The following GALNT17 variants were observed in gnomAD, a reference collection of about 807,000 sequenced individuals.
The protein encoded by GALNT17 is UDP-GalNAc:polypeptide N-acetylgalactosaminyltransferase-like 3.
In GALNT17, 29 loss-of-function variants were observed where a neutral mutation model predicts 63.7. The observed-to-expected ratio is 0.46, with a 90% CI of 0.34 to 0.62. GALNT17 has a LOEUF of 0.62. Among genes scored for constraint, GALNT17 ranks in the 20% least tolerant of loss-of-function variants. The pLI, the probability that GALNT17 is intolerant of heterozygous loss-of-function variation, is 0.01. For missense variants in GALNT17, 603 were observed against 799.6 expected (o/e 0.75, Z 2.97); for synonymous variants, 305 against 318.3 (o/e 0.96, Z 0.45).
At chr7:71,167,490 G>C (rs1788464287) in intron 1 of GALNT17, among the ~76,000 whole-genome samples, 1 of 151,898 alleles carries the variant, frequency 6.6e-6, no homozygotes, top group African/African-American at 2.4e-5. Flanking sequence ...TATTCTAGGA[G>C]GAAGTACCTT....
At chr7:71,367,138 C>T (rs760666633) in intron 2 of GALNT17, among the ~76,000 whole-genome samples, 11 of 152,340 alleles carry the variant, frequency 7.2e-5, no homozygotes, top group Middle Eastern at 6.8e-3. Flanking sequence ...AAACATTCCT[C>T]TTTGACCCTG....
intron 1 of GALNT17, among the ~76,000 whole-genome samples, chr7:71,213,297 C>T (rs145140343): frequency 0.02 from 3,002 of 152,308 alleles, 31 homozygotes; most frequent in Middle Eastern, 0.037. Flanking sequence ...CTTTTGCCTT[C>T]TGCCATGATT....
chr7:71,580,149 A>G (rs1161167012), intron 6 of GALNT17, among the ~76,000 whole-genome samples: 1 of 152,142 alleles, frequency 6.6e-6, no homozygotes, highest in African/African-American at 2.4e-5. Flanking sequence ...ATAGATGGAT[A>G]GATGATATAG....
At chr7:71,302,650 T>C (rs1361303377) in intron 1 of GALNT17, among the ~76,000 whole-genome samples, 1 of 152,132 alleles carries the variant, frequency 6.6e-6, no homozygotes, top group Non-Finnish European at 1.5e-5. Flanking sequence ...CTAGGCTGAA[T>C]TGATGAAAGC....
At position 71,178,756 on chromosome 7, in the gene GALNT17, T is replaced by C. The variant is rs970239472; in HGVS notation, c.238+45716T>C. Among the ~76,000 whole-genome samples the C allele has an allele frequency of 1.1e-4, 16 of 152,344 alleles. No homozygotes were observed. In the East Asian group the frequency reaches 2.3e-3, roughly 22 times the overall value. On this transcript the variant is annotated intron_variant, in intron 1 of 10. Transcript: ENST00000333538. Reference sequence around the variant, plus strand: ...ATTTGGGGGTTAGATTCCCCATCTGTTCATTCATTGTGTATATATTTTTCA... The same window carrying C: ...ATTTGGGGGTTAGATTCCCCATCTGCTCATTCATTGTGTATATATTTTTCA...
chr7:71,422,969 T>C (rs6969025), intron 5 of GALNT17, among the ~76,000 whole-genome samples: 111,638 of 151,956 alleles, frequency 0.73, 41,365 homozygotes, highest in African/African-American at 0.79. Context: ...AGACTCTCCT[T>C]CAACTACCCC....
intron 6 of GALNT17, among the ~76,000 whole-genome samples, chr7:71,606,988 CCTT>C (rs1294828699): frequency 6.6e-6 from 1 of 152,142 alleles, no homozygotes; most frequent in Non-Finnish European, 1.5e-5. Flanking sequence ...CACAAGATCA[CCTT>C]CTTGGATAGA....
At chr7:71,554,840 C>T (rs948878305) in intron 5 of GALNT17, among the ~76,000 whole-genome samples, 1 of 152,220 alleles carries the variant, frequency 6.6e-6, no homozygotes, top group Non-Finnish European at 1.5e-5. Context: ...GACTTATTCC[C>T]CAGCCCAGGG....
At chr7:71,154,116 C>T (rs1585842959) in intron 1 of GALNT17, among the ~76,000 whole-genome samples, 1 of 152,024 alleles carries the variant, frequency 6.6e-6, no homozygotes, top group Admixed American at 6.6e-5. Flanking sequence ...GGTGAGGGAG[C>T]CTCTGCCTGA....
At chr7:71,279,534 T>C (rs1359918855) in intron 1 of GALNT17, among the ~76,000 whole-genome samples, 3 of 152,042 alleles carry the variant, frequency 2.0e-5, no homozygotes, top group South Asian at 2.1e-4. Flanking sequence ...ACAGCAGCCA[T>C]TGGATTCATC....
At chr7:71,633,138 T>C (rs1584102818) in intron 6 of GALNT17, among the ~76,000 whole-genome samples, 1 of 151,066 alleles carries the variant, frequency 6.6e-6, no homozygotes, top group African/African-American at 2.4e-5. Context: ...AGGTTGATTA[T>C]TGATTATTTA....
In GALNT17 at chr7:71,377,114, A is replaced by AAAAAAAAAT; in HGVS notation, c.423-11120_423-11119insAAAAAAATA. On this transcript the variant is annotated intron_variant, in intron 2 of 10. Coordinates refer to ENST00000333538, the MANE Select transcript of GALNT17 (RefSeq NM_022479.3). ...AAAAAAAAAAAATAAAAATAAAAAA[A>AAAAAAAAAT]ATATATATATATATATATATATATA... 4.5e-4 allele frequency among the ~76,000 whole-genome samples: 26 copies of AAAAAAAAAT among 57,460 alleles called. 1 individual carries two copies. Among genetic ancestry groups the AAAAAAAAAT allele is most frequent in the Non-Finnish European group, 6.0e-4 (20 of 33,272 alleles). The allele number at this position is 57,460 out of a possible 152,430, so 37.7% of individuals were successfully genotyped here.
chr7:71,140,552 C>G (rs943902094), intron 1 of GALNT17, among the ~76,000 whole-genome samples: 1 of 152,158 alleles, frequency 6.6e-6, no homozygotes, highest in African/African-American at 2.4e-5. Context: ...CTGAAGAAAC[C>G]CAACCCCCCT....
At chr7:71,387,330 G>T (rs1056502610) in intron 2 of GALNT17, among the ~76,000 whole-genome samples, 1 of 150,892 alleles carries the variant, frequency 6.6e-6, no homozygotes, top group Admixed American at 6.6e-5. Context: ...TCTTTTTTTG[G>T]GGGGCGGGGA....
intron 5 of GALNT17, among the ~76,000 whole-genome samples, chr7:71,465,530 T>A (rs926900156): frequency 6.6e-6 from 1 of 152,192 alleles, no homozygotes; most frequent in African/African-American, 2.4e-5. Flanking sequence ...ACATGCGTGT[T>A]TCTATAGACT....
rs1229510138 is a variant in GALNT17, at chr7:71,132,820, A to C, written c.18A>C (p.Arg6Ser). The change falls in exon 1 of 11, where the codon AGA (arginine) becomes AGC (serine). Residue 6 changes from arginine to serine, a missense_variant. Transcript: ENST00000333538. ...GCTGTTTGATGGCTTCACTGAGAAG[A>C]GTCAAAGTGCTGTTGGTGTTGAACT... is the stretch of plus-strand genomic sequence containing the variant. MASLRRVKVLLVLNLI... is the reference protein window; with the variant it reads MASLRSVKVLLVLNLI... The C allele has an allele frequency of 1.2e-6, 2 of 1,607,626 alleles. No homozygotes were observed. The highest frequency in any genetic ancestry group is 1.7e-6 in the Non-Finnish European group (2 of 1,176,862).
chr7:71,209,769 A>G lies in GALNT17; in HGVS notation c.238+76729A>G, dbSNP rs147608184. Among the ~76,000 whole-genome samples the G allele has an allele frequency of 3.3e-3, 505 of 152,286 alleles. 2 individuals carry two copies. The highest frequency in any genetic ancestry group is 0.011 in the African/African-American group (475 of 41,550). On this transcript the variant is annotated intron_variant, in intron 1 of 10. Transcript: ENST00000333538. ...GAGACTGGGAAGAAAAAGAGGTTTA[A>G]TCAGACTTAACAGTTCCACATATCT...
intron 5 of GALNT17, among the ~76,000 whole-genome samples, chr7:71,486,189 C>T (rs1311162921): frequency 5.9e-5 from 9 of 151,594 alleles, no homozygotes; most frequent in Non-Finnish European, 1.2e-4. Context: ...ATTTGCCGGG[C>T]GTGGTGGCAC....
chr7:71,173,737 C>T (rs1006099397), intron 1 of GALNT17, among the ~76,000 whole-genome samples: 2 of 152,148 alleles, frequency 1.3e-5, no homozygotes, highest in African/African-American at 4.8e-5. Context: ...TGTGCCACTG[C>T]ACTCCAGCTT....
Sources: allele counts gnomAD v4.1 joint callset (sites outside exome capture counted in the v4.1 genomes callset), GRCh38; gene constraint gnomAD v4.1.1; transcripts MANE v1.5; gene names NCBI Gene and HGNC (gene_info 2026-07-23, HGNC 2026-07-21).